Variants in WDR25 observed in about 807,000 individuals in gnomAD.
WDR25 encodes WD repeat-containing protein 25.
A neutral mutation model predicts 47.7 loss-of-function variants in WDR25; 35 were observed. The observed-to-expected ratio is 0.73, with a 90% CI of 0.56 to 0.97. The LOEUF (loss-of-function observed/expected upper bound fraction) is 0.97, where lower values mean the gene tolerates loss of function less well. WDR25 is among the 50% of genes least tolerant of loss of function. WDR25 has a pLI of 0.00. For synonymous variants in WDR25, 248 were observed against 278.9 expected (o/e 0.89, Z 1.10); for missense variants, 634 against 704.7 (o/e 0.90, Z 1.14).
chr14:100,418,766 CG>C (rs148593255), intron 2 of WDR25, among the ~76,000 whole-genome samples: 5,008 of 147,104 alleles, frequency 0.034, 239 homozygotes, highest in African/African-American at 0.11. Flanking sequence ...GTGGCGGTGG[CG>C]GGGGGGGGTC....
intron 2 of WDR25, among the ~76,000 whole-genome samples, chr14:100,453,559 C>T (rs1349142352): frequency 6.6e-6 from 1 of 152,204 alleles, no homozygotes; most frequent in Admixed American, 6.5e-5. Flanking sequence ...CAGAATAATG[C>T]CCTGGATTAT....
intron 4 of WDR25, among the ~76,000 whole-genome samples, chr14:100,511,237 C>T (rs1901299989): frequency 6.6e-6 from 1 of 152,090 alleles, no homozygotes; most frequent in Non-Finnish European, 1.5e-5. Flanking sequence ...TAGTGTAGGT[C>T]TTTCACATTT....
At chr14:100,503,269 C>T (rs1900999433) in intron 4 of WDR25, among the ~76,000 whole-genome samples, 1 of 152,104 alleles carries the variant, frequency 6.6e-6, no homozygotes, top group Admixed American at 6.5e-5. Flanking sequence ...AGCGTGTCCC[C>T]TGGGAGCCTG....
At chr14:100,491,928 C>T (rs984009247) in intron 4 of WDR25, among the ~76,000 whole-genome samples, 13 of 152,198 alleles carry the variant, frequency 8.5e-5, no homozygotes, top group African/African-American at 3.1e-4. Flanking sequence ...GAAACTGGTT[C>T]TGAAAGGTTC....
At chr14:100,399,419 C>T (rs989889007) in intron 2 of WDR25, among the ~76,000 whole-genome samples, 1 of 151,924 alleles carries the variant, frequency 6.6e-6, no homozygotes, top group Non-Finnish European at 1.5e-5. Flanking sequence ...TCTCTCTCAT[C>T]CTTTCTCTCA....
intron 4 of WDR25, among the ~76,000 whole-genome samples, chr14:100,490,244 C>T (rs1220479681): frequency 2.0e-5 from 3 of 152,088 alleles, no homozygotes; most frequent in Admixed American, 2.0e-4. Context: ...CCTCATTTAC[C>T]ATGGTATTCC....
chr14:100,516,214 CT>C (rs932428028), intron 4 of WDR25, among the ~76,000 whole-genome samples: 3 of 152,072 alleles, frequency 2.0e-5, no homozygotes, highest in Admixed American at 6.6e-5. Flanking sequence ...CAAAAACAGC[CT>C]TTAGACTAGG....
At position 100,525,938 on chromosome 14, in the gene WDR25, G is replaced by C. The variant is rs752717169; in HGVS notation, c.1170G>C (p.Glu390Asp). ...TCCTGTTCCTCCGGGAAGGCTCCGA[G>C]TTCCTGAGCAGCACAGACGCTTCCA... The part of the protein sequence containing the change: ...LDILFLREGS[E>D]FLSSTDASTR... Residue 390 changes from glutamate to aspartate, a missense_variant, in exon 5 of 7, where the codon GAG becomes GAC. Glu to Asp is a conservative substitution (Grantham distance 45). Transcript: ENST00000402312. This position sits in a 1 kb window ranked among gnomAD's most constrained non-coding sequence, Gnocchi z 4.6. The C allele has an allele frequency of 2.5e-6, 4 of 1,614,040 alleles. No homozygotes were observed. The South Asian group carries it at 4.4e-5, about 18-fold the overall frequency.
Position 100,529,606 on chromosome 14 carries a change from C to T in WDR25, c.1414-214C>T, listed in dbSNP as rs1239358127. The T allele has an allele frequency of 5.1e-5, 32 of 621,498 alleles. No homozygotes were observed. The highest frequency in any genetic ancestry group is 4.7e-4 in the South Asian group (24 of 50,666). 38.5% of individuals were successfully genotyped at this position (621,498 alleles called of 1,614,324 possible). On this transcript the variant is annotated intron_variant, in intron 6 of 6. Coordinates refer to ENST00000402312, the MANE Select transcript of WDR25 (RefSeq NM_001161476.3). The surrounding 1 kb of genome is among the most constrained non-coding windows in gnomAD (Gnocchi z 5.1). The stretch of plus-strand genomic sequence containing the variant: ...CCCTCAGCTGGGCTGGAGCTGGTCC[C>T]GCTGGATCTGCTGAACTGGCCTTGG...
chr14:100,481,817 A>C (rs1265574777), intron 3 of WDR25, among the ~76,000 whole-genome samples: 2 of 152,140 alleles, frequency 1.3e-5, no homozygotes, highest in Admixed American at 6.5e-5. Flanking sequence ...GAAAGATTAC[A>C]GATTGGAATA....
intron 4 of WDR25, among the ~76,000 whole-genome samples, chr14:100,491,298 A>G (rs1186916167): frequency 6.6e-6 from 1 of 152,212 alleles, no homozygotes; most frequent in East Asian, 1.9e-4. Flanking sequence ...AAGACTGTGA[A>G]CTGGGGGTGG....
intron 2 of WDR25, among the ~76,000 whole-genome samples, chr14:100,397,172 C>T (rs542269755): frequency 6.6e-6 from 1 of 152,294 alleles, no homozygotes; most frequent in Admixed American, 6.5e-5. Flanking sequence ...AATTATTTCT[C>T]TGCTTGTCTC....
At position 100,391,909 on chromosome 14, in the gene WDR25, T is replaced by C. The variant is rs1879483567; in HGVS notation, c.822+10163T>C. Among the ~76,000 whole-genome samples the C allele has an allele frequency of 2.6e-5, 4 of 152,348 alleles. No individual in the cohort carries two copies. The South Asian group carries it at 8.3e-4, about 32-fold the overall frequency. On this transcript the variant is annotated intron_variant, in intron 2 of 6. Coordinates refer to ENST00000402312, the MANE Select transcript of WDR25 (RefSeq NM_001161476.3). ...TGTACATGGAGTTTTCCAGAGGCTA[T>C]GAGGCGTGTGCTTTTGCAGTGGATT...
chr14:100,388,923 A>T (rs993058072), intron 2 of WDR25, among the ~76,000 whole-genome samples: 18 of 152,212 alleles, frequency 1.2e-4, no homozygotes, highest in African/African-American at 4.3e-4. Context: ...CTCTCATCCC[A>T]TGTCATTAAG....
At position 100,483,979 on chromosome 14, in the gene WDR25, C is replaced by T. The variant is rs373823673; in HGVS notation, c.971-15C>T. 52 of 1,602,144 alleles carry T rather than the reference C, an allele frequency of 3.2e-5. No homozygotes were observed. The highest frequency in any genetic ancestry group is 4.1e-5 in the African/African-American group (3 of 73,944). On this transcript the variant is annotated splice_polypyrimidine_tract_variant and intron_variant, in intron 3 of 6. Coordinates refer to ENST00000402312, the MANE Select transcript of WDR25 (RefSeq NM_001161476.3). ...TAAGTACTTTCTAACCCTCTCTTCT[C>T]TTTTTGTGTTGTAGGAACCCAGCTA...
At chr14:100,517,483 C>T (rs1258322371) in intron 4 of WDR25, among the ~76,000 whole-genome samples, 1 of 152,052 alleles carries the variant, frequency 6.6e-6, no homozygotes, top group Non-Finnish European at 1.5e-5. Context: ...GTAAGGACTA[C>T]AATATACATG....
intron 2 of WDR25, among the ~76,000 whole-genome samples, chr14:100,432,319 C>T (rs921991383): frequency 1.3e-5 from 2 of 152,220 alleles, no homozygotes; most frequent in Non-Finnish European, 2.9e-5. Flanking sequence ...TATTATCCCA[C>T]TTGTAAGAGA....
At position 100,425,298 on chromosome 14, in the gene WDR25, G is replaced by A. The variant is rs939192191; in HGVS notation, c.823-42723G>A. ...TCACCCCATGGGCCTAAGCTGTAAC[G>A]GGGCAGGGCTGTCACTTGCACTGAC... On this transcript the variant is annotated intron_variant, in intron 2 of 6. Coordinates refer to ENST00000402312, the MANE Select transcript of WDR25 (RefSeq NM_001161476.3). This position sits in a 1 kb window ranked among gnomAD's most constrained non-coding sequence, Gnocchi z 4.8. Among the ~76,000 whole-genome samples, 5 of 152,196 alleles carry A rather than the reference G, an allele frequency of 3.3e-5. No individual in the cohort carries two copies. Among genetic ancestry groups the A allele is most frequent in the African/African-American group, 4.8e-5 (2 of 41,450 alleles).
At chr14:100,396,017 C>T (rs1004951408) in intron 2 of WDR25, among the ~76,000 whole-genome samples, 9 of 146,864 alleles carry the variant, frequency 6.1e-5, no homozygotes, top group African/African-American at 2.3e-4. Flanking sequence ...CGCTCTGTCG[C>T]CCAGGTTGGA....
Sources: gnomAD v4.1 joint callset for allele counts (sites outside exome capture counted in the v4.1 genomes callset) on GRCh38, gnomAD v4.1.1 for gene constraint, Gnocchi (gnomAD v3.1) non-coding constraint, MANE v1.5 for transcripts, NCBI Gene and HGNC (gene_info 2026-07-23, HGNC 2026-07-21) for gene names.